Variants in KAT6A observed in about 807,000 individuals in gnomAD.
KAT6A encodes the protein histone acetyltransferase KAT6A.
In KAT6A, 9 loss-of-function variants were observed where a neutral mutation model predicts 198.4. That is an observed-to-expected ratio of 0.05 (90% CI 0.03 to 0.08). KAT6A has a LOEUF of 0.08. Among genes scored for constraint, KAT6A ranks in the 10% least tolerant of loss-of-function variants. The pLI, the probability that KAT6A is intolerant of heterozygous loss-of-function variation, is 1.00. For synonymous variants in KAT6A, 890 were observed against 883.0 expected (o/e 1.01, Z -0.14); for missense variants, 2,077 against 2,509.9 (o/e 0.83, Z 3.69).
At chr8:41,967,639 T>C (rs1167645005) in intron 8 of KAT6A, among the ~76,000 whole-genome samples, 1 of 152,168 alleles carries the variant, frequency 6.6e-6, no homozygotes, top group Non-Finnish European at 1.5e-5. Flanking sequence ...TCATTTTTTA[T>C]GGCTACATAG....
rs755556224 is a variant in KAT6A, at chr8:41,932,499, G to C, written c.5721C>G (p.Pro1907=). The C allele has an allele frequency of 1.9e-6, 3 of 1,614,120 alleles. No individual in the cohort carries two copies. The highest frequency in any genetic ancestry group is 1.3e-5 in the African/African-American group (1 of 74,940). ...MNMGVNLMPT[P]AYNVNSMNMN... ...TATTCATGGAATTGACATTATAGGC[G>C]GGAGTAGGCATCAGATTAACCCCCA... is the stretch of plus-strand genomic sequence containing the variant. The change falls in exon 17 of 17, where the codon CCC becomes CCG. Residue 1907 remains proline, a synonymous_variant. Coordinates refer to ENST00000265713, the MANE Select transcript of KAT6A (RefSeq NM_006766.5).
chr8:42,046,151 C>T (rs1017246348), intron 2 of KAT6A, among the ~76,000 whole-genome samples: 9 of 152,246 alleles, frequency 5.9e-5, no homozygotes, highest in Admixed American at 5.9e-4. Flanking sequence ...ATATTTACTA[C>T]CTTTTAAAAA....
At chr8:42,021,308 C>T (rs978472818) in intron 2 of KAT6A, among the ~76,000 whole-genome samples, 1 of 152,066 alleles carries the variant, frequency 6.6e-6, no homozygotes, top group South Asian at 2.1e-4. Context: ...CAAACTGATA[C>T]TTTGTTTTGT....
At chr8:41,994,002 C>T (rs1825069617) in intron 2 of KAT6A, among the ~76,000 whole-genome samples, 1 of 152,136 alleles carries the variant, frequency 6.6e-6, no homozygotes, top group African/African-American at 2.4e-5. Context: ...AAAAACTCTA[C>T]AAGCTGATTT....
Position 41,944,837 on chromosome 8 carries a change from G to T in KAT6A, c.1997-858C>A, listed in dbSNP as rs143711390. The stretch of plus-strand genomic sequence containing the variant: ...TTCAAAACAATATATTAACATTAAA[G>T]GAAGTAATCTGAGTTCCATCCCCTA... On this transcript the variant is annotated intron_variant, in intron 12 of 16. Coordinates refer to ENST00000265713, the MANE Select transcript of KAT6A (RefSeq NM_006766.5). Among the ~76,000 whole-genome samples, 178 of 152,188 alleles carry T rather than the reference G, an allele frequency of 1.2e-3. 1 individual carries two copies. Among genetic ancestry groups the T allele is most frequent in the African/African-American group, 4.1e-3 (170 of 41,518 alleles).
chr8:41,952,258 A>C (rs1178358181), intron 9 of KAT6A, among the ~76,000 whole-genome samples: 1 of 152,234 alleles, frequency 6.6e-6, no homozygotes, highest in East Asian at 1.9e-4. Flanking sequence ...CTAAGCATCA[A>C]ATAAAGTCCA....
chr8:41,995,061 A>AAAAAAT (rs71239088), intron 2 of KAT6A, among the ~76,000 whole-genome samples: 35,935 of 150,596 alleles, frequency 0.24, 4,850 homozygotes, highest in African/African-American at 0.32. Flanking sequence ...CATCTCAAAA[A>AAAAAAT]AAAAATAAAA....
intron 5 of KAT6A, 66 bp from the exon 6 acceptor site, chr8:41,978,843 G>C: frequency 6.8e-7 from 1 of 1,464,846 alleles, no homozygotes; most frequent in Non-Finnish European, 9.4e-7. Context: ...GTTTCAGATA[G>C]TCTTAAGTCA....
chr8:41,932,818 G>C lies in KAT6A; in HGVS notation c.5402C>G (p.Ala1801Gly). The change falls in exon 17 of 17, where the codon GCT becomes GGT. Residue 1801 changes from alanine (A) to glycine (G), a missense_variant. By Grantham distance (60) the Ala-to-Gly change is moderately conservative. This residue lies in a region of KAT6A where 500 missense variants were observed against 577.2 expected (regional missense o/e 0.87). Transcript: ENST00000265713. ...LAQLAPSHPLAGTPQAQATMT... is the reference protein window; with the variant it reads ...LAQLAPSHPLGGTPQAQATMT... ...GGTGGCTTGTGCTTGAGGAGTCCCAGCTAAGGGATGAGATGGAGCCAGCTG... is the reference window on the plus strand; with the variant it reads ...GGTGGCTTGTGCTTGAGGAGTCCCACCTAAGGGATGAGATGGAGCCAGCTG... The C allele has an allele frequency of 6.2e-7, 1 of 1,614,154 alleles. No individual in the cohort carries two copies. The highest frequency in any genetic ancestry group is 2.2e-5 in the East Asian group (1 of 44,870).
In KAT6A at chr8:42,024,496, G is replaced by A. The variant is rs563887030; in HGVS notation, c.600+23882C>T. 3.6e-4 allele frequency among the ~76,000 whole-genome samples: 55 copies of A among 152,232 alleles called. 1 individual carries two copies. The highest frequency in any genetic ancestry group is 1.3e-3 in the African/African-American group (55 of 41,518). Reference sequence around the variant, plus strand: ...ATTTTGAAATATGCAATATATTGCTGTTAACTACAGTTACCCCACTAAGCA... The same window carrying A: ...ATTTTGAAATATGCAATATATTGCTATTAACTACAGTTACCCCACTAAGCA... On this transcript the variant is annotated intron_variant, in intron 2 of 16. Coordinates refer to ENST00000265713, the MANE Select transcript of KAT6A (RefSeq NM_006766.5).
At chr8:41,988,048 G>GT (rs1304799020) in intron 2 of KAT6A, among the ~76,000 whole-genome samples, 2 of 152,236 alleles carry the variant, frequency 1.3e-5, no homozygotes, top group Admixed American at 6.5e-5. Flanking sequence ...CTGTGGTGTG[G>GT]AGGAAGGGAA....
rs140126559 is a variant in KAT6A at position 41,977,306 on chromosome 8, T to C, written c.1065A>G (p.Lys355=). 2.5e-6 allele frequency: 4 copies of C among 1,613,220 alleles called. No individual in the cohort carries two copies. The highest frequency in any genetic ancestry group is 3.4e-6 in the Non-Finnish European group (4 of 1,179,474). The change falls in exon 7 of 17, where the codon AAA becomes AAG. Residue 355 remains lysine (K), a synonymous_variant. Coordinates refer to ENST00000265713, the MANE Select transcript of KAT6A (RefSeq NM_006766.5). ...QNTVSKGPFS[K]VRTGPGRGRK... ...TACCCCTTCCAGGGCCAGTTCGAAC[T>C]TTGCTGAAGGGACCTTTTGATCTAA...
chr8:41,951,987 G>A (rs1365649839), intron 9 of KAT6A, among the ~76,000 whole-genome samples: 1 of 152,156 alleles, frequency 6.6e-6, no homozygotes, highest in Non-Finnish European at 1.5e-5. Context: ...CTTATACACT[G>A]TACTGTCTGG....
chr8:42,007,064 A>G (rs1825785774), intron 2 of KAT6A, among the ~76,000 whole-genome samples: 1 of 151,944 alleles, frequency 6.6e-6, no homozygotes, highest in Non-Finnish European at 1.5e-5. Context: ...TTTTCATAAT[A>G]CTGTATCTCC....
intron 2 of KAT6A, among the ~76,000 whole-genome samples, chr8:42,046,737 C>T (rs1802325780): frequency 6.6e-6 from 1 of 152,104 alleles, no homozygotes; most frequent in African/African-American, 2.4e-5. Context: ...AGAGTTCTTA[C>T]AGCACTTAAA....
At chr8:41,970,864 C>T (rs915664335) in intron 8 of KAT6A, among the ~76,000 whole-genome samples, 6 of 152,174 alleles carry the variant, frequency 3.9e-5, no homozygotes, top group Admixed American at 2.0e-4. Flanking sequence ...AAATGTGGCA[C>T]ATATACACCA....
intron 2 of KAT6A, among the ~76,000 whole-genome samples, chr8:42,046,113 A>G (rs773780541): frequency 3.3e-5 from 5 of 152,228 alleles, no homozygotes; most frequent in African/African-American, 4.8e-5. Flanking sequence ...TCAGGGTTCT[A>G]GGACTTGGAT....
intron 6 of KAT6A, among the ~76,000 whole-genome samples, chr8:41,978,382 T>C (rs1202745591): frequency 1.3e-5 from 2 of 152,236 alleles, no homozygotes; most frequent in African/African-American, 2.4e-5. Context: ...ATGCCTTAGT[T>C]TCTTCCTTTG....
intron 2 of KAT6A, among the ~76,000 whole-genome samples, chr8:41,991,290 CAGT>C (rs1161595626): frequency 1.3e-5 from 2 of 152,186 alleles, no homozygotes; most frequent in Non-Finnish European, 2.9e-5. Flanking sequence ...TGTATTCATA[CAGT>C]AGAATGTTAA....
Sources: gnomAD v4.1 joint callset for allele counts (sites outside exome capture counted in the v4.1 genomes callset) on GRCh38, gnomAD v4.1.1 for gene constraint, gnomAD v4.1.1 regional missense constraint, MANE v1.5 for transcripts, NCBI Gene and HGNC (gene_info 2026-07-23, HGNC 2026-07-21) for gene names.